The following CNTNAP5 variants were observed in gnomAD, a reference collection of about 807,000 sequenced individuals.
The protein encoded by CNTNAP5 is contactin-associated protein-like 5.
CNTNAP5 carries 72 observed loss-of-function variants against 150.2 expected under a neutral mutation model. That is an observed-to-expected ratio of 0.48 (90% CI 0.40 to 0.58). The LOEUF (loss-of-function observed/expected upper bound fraction) is 0.58, where lower values mean the gene tolerates loss of function less well. CNTNAP5 is among the 20% of genes least tolerant of loss of function. The pLI is 0.00. For missense variants in CNTNAP5, 1,636 were observed against 1,626.2 expected (o/e 1.01, Z -0.10); for synonymous variants, 672 against 619.8 (o/e 1.08, Z -1.25).
At chr2:124,235,938 CACTT>C (rs1397372759) in intron 2 of CNTNAP5, among the ~76,000 whole-genome samples, 14 of 126,100 alleles carry the variant, frequency 1.1e-4, no homozygotes, top group Admixed American at 5.7e-4. Context: ...GGCAAGTTCC[CACTT>C]ATTTATTTAT....
rs117640208 is a variant in CNTNAP5, at chr2:124,193,817, G to A, written c.83-27888G>A. ...CCTGAGGTTTGACTCTTTAGCAGAT[G>A]GTAGATATGTACCTTGGAGAGAAAG... On this transcript the variant is annotated intron_variant, in intron 1 of 23. Coordinates refer to ENST00000682447, the MANE Select transcript of CNTNAP5 (RefSeq NM_001367498.1). Among the ~76,000 whole-genome samples, 152 of 152,188 alleles carry A rather than the reference G, an allele frequency of 1.0e-3. 1 individual carries two copies. The highest frequency in any genetic ancestry group is 6.8e-3 in the East Asian group (35 of 5,166).
chr2:124,876,699 A>G (rs1677868051), intron 21 of CNTNAP5, among the ~76,000 whole-genome samples: 1 of 152,050 alleles, frequency 6.6e-6, no homozygotes, highest in Non-Finnish European at 1.5e-5. Flanking sequence ...CTCAAATTAT[A>G]TTTCATTTTG....
At chr2:124,500,785 G>A (rs1229341566) in intron 7 of CNTNAP5, among the ~76,000 whole-genome samples, 5 of 152,104 alleles carry the variant, frequency 3.3e-5, no homozygotes, top group Non-Finnish European at 7.4e-5. Context: ...TTCGAGAAGG[G>A]GCATGTATGA....
intron 19 of CNTNAP5, among the ~76,000 whole-genome samples, chr2:124,800,984 G>A (rs1681954825): frequency 1.3e-5 from 2 of 152,032 alleles, no homozygotes; most frequent in African/African-American, 4.8e-5. Flanking sequence ...CATGGGAGAT[G>A]GATGTCCAGG....
At chr2:124,810,514 A>G (rs756631521) in intron 19 of CNTNAP5, among the ~76,000 whole-genome samples, 2 of 152,204 alleles carry the variant, frequency 1.3e-5, no homozygotes, top group Admixed American at 1.3e-4. Flanking sequence ...TAGAACCTTA[A>G]CTGGAGAAGG....
intron 16 of CNTNAP5, among the ~76,000 whole-genome samples, chr2:124,770,691 A>G (rs1374310102): frequency 2.6e-5 from 4 of 152,146 alleles, no homozygotes; most frequent in African/African-American, 9.7e-5. Flanking sequence ...ACTGCTCATC[A>G]CTCAATCTGT....
chr2:124,277,478 GTC>G (rs1329476469), intron 3 of CNTNAP5, among the ~76,000 whole-genome samples: 1 of 152,086 alleles, frequency 6.6e-6, no homozygotes, highest in Non-Finnish European at 1.5e-5. Context: ...AAGCTAAACA[GTC>G]TATAGGTTTA....
chr2:124,326,428 C>T (rs1385314585), intron 3 of CNTNAP5, among the ~76,000 whole-genome samples: 1 of 152,192 alleles, frequency 6.6e-6, no homozygotes, highest in Non-Finnish European at 1.5e-5. Context: ...TAAAGCTTTT[C>T]TCATATGTAC....
chr2:124,806,934 C>A (rs1199881627), intron 19 of CNTNAP5, among the ~76,000 whole-genome samples: 1 of 144,898 alleles, frequency 6.9e-6, no homozygotes, highest in Non-Finnish European at 1.5e-5. Flanking sequence ...TTTTTTTAAG[C>A]CAGGGATAAA....
chr2:124,491,653 A>G (rs1573410481), intron 7 of CNTNAP5, among the ~76,000 whole-genome samples: 1 of 152,130 alleles, frequency 6.6e-6, no homozygotes, highest in Non-Finnish European at 1.5e-5. Flanking sequence ...TTTGGTTTCT[A>G]GGGAACCTCC....
chr2:124,686,843 A>G (rs1679202574), intron 13 of CNTNAP5, among the ~76,000 whole-genome samples: 1 of 152,160 alleles, frequency 6.6e-6, no homozygotes, highest in Admixed American at 6.6e-5. Flanking sequence ...AAATAATATG[A>G]AATTTATTGA....
rs528210251 is a variant in CNTNAP5 at position 124,243,618 on chromosome 2, T to C, written c.381+1225T>C. ...AAATAGTCTAAACAGTGAGTATACA[T>C]GGAAACAAAGAGGGGAAAATAGACA... On this transcript the variant is annotated intron_variant, in intron 3 of 23. Transcript: ENST00000682447. Among the ~76,000 whole-genome samples the C allele has an allele frequency of 3.3e-3, 497 of 152,120 alleles. 2 individuals are homozygous for C. The highest frequency in any genetic ancestry group is 5.2e-3 in the Admixed American group (79 of 15,278).
intron 1 of CNTNAP5, among the ~76,000 whole-genome samples, chr2:124,159,458 G>A (rs1178484598): frequency 3.3e-5 from 5 of 152,192 alleles, no homozygotes; most frequent in Admixed American, 6.5e-5. Flanking sequence ...TACAAAAATA[G>A]GTGGCAGGCC....
At chr2:124,681,159 G>A (rs539269586) in intron 13 of CNTNAP5, among the ~76,000 whole-genome samples, 8 of 149,704 alleles carry the variant, frequency 5.3e-5, no homozygotes, top group African/African-American at 7.3e-5. Flanking sequence ...AAAATTAGCC[G>A]GGCATGGTGG....
intron 1 of CNTNAP5, among the ~76,000 whole-genome samples, chr2:124,119,886 A>T (rs1424832347): frequency 6.6e-6 from 1 of 152,224 alleles, no homozygotes; most frequent in African/African-American, 2.4e-5. Context: ...TAGTGTATTC[A>T]TTTATTAATA....
chr2:124,536,661 A>G (rs1573443896), intron 10 of CNTNAP5, among the ~76,000 whole-genome samples: 1 of 152,274 alleles, frequency 6.6e-6, no homozygotes, highest in East Asian at 1.9e-4. Flanking sequence ...TGTTACCAAA[A>G]GGCCAGAGAA....
At chr2:124,538,906 G>A (rs1467219680) in intron 10 of CNTNAP5, among the ~76,000 whole-genome samples, 1 of 152,154 alleles carries the variant, frequency 6.6e-6, no homozygotes, top group Non-Finnish European at 1.5e-5. Context: ...CCCGATAAGA[G>A]CCTTCCATCT....
At chr2:124,288,786 A>G (rs1688216019) in intron 3 of CNTNAP5, among the ~76,000 whole-genome samples, 1 of 152,184 alleles carries the variant, frequency 6.6e-6, no homozygotes. Context: ...TCCTGCAATG[A>G]ATGTTTAAGT....
At chr2:124,879,307 AAC>A (rs1043476911) in intron 21 of CNTNAP5, among the ~76,000 whole-genome samples, 3 of 152,110 alleles carry the variant, frequency 2.0e-5, no homozygotes, top group African/African-American at 7.2e-5. Flanking sequence ...GTTGAAGGAA[AAC>A]ACACACAGGC....
Sources: gnomAD v4.1 joint callset for allele counts (sites outside exome capture counted in the v4.1 genomes callset) on GRCh38, gnomAD v4.1.1 for gene constraint, MANE v1.5 for transcripts, NCBI Gene and HGNC (gene_info 2026-07-23, HGNC 2026-07-21) for gene names.